Variants in CDC42SE2 observed in about 807,000 individuals in gnomAD.
CDC42SE2 encodes the protein CDC42 small effector 2.
In CDC42SE2, 3 loss-of-function variants were observed where a neutral mutation model predicts 11.5. The ratio of observed to expected loss-of-function variants is 0.26; its 90% confidence interval spans 0.12 to 0.67. The LOEUF is 0.67. CDC42SE2 is among the 30% of genes least tolerant of loss of function. The probability of loss-of-function intolerance (pLI) is 0.80; values close to 1 mark genes in which losing one functional copy is unlikely to be tolerated. For missense variants in CDC42SE2, 82 were observed against 106.8 expected (o/e 0.77, Z 1.02); for synonymous variants, 33 against 34.8 (o/e 0.95, Z 0.18).
chr5:131,345,398 G>A (rs1243166875), intron 2 of CDC42SE2, among the ~76,000 whole-genome samples: 2 of 152,042 alleles, frequency 1.3e-5, no homozygotes, highest in Non-Finnish European at 2.9e-5. Flanking sequence ...AGAAGAAAGG[G>A]TATCAGTGAT....
chr5:131,376,129 C>T (rs1750146244), intron 3 of CDC42SE2, among the ~76,000 whole-genome samples: 1 of 151,994 alleles, frequency 6.6e-6, no homozygotes, highest in South Asian at 2.1e-4. Flanking sequence ...ATTCCAGCTA[C>T]TCGGGAGGCT....
chr5:131,383,978 A>G (rs1458808099), intron 3 of CDC42SE2, among the ~76,000 whole-genome samples: 1 of 152,258 alleles, frequency 6.6e-6, no homozygotes, highest in African/African-American at 2.4e-5. Context: ...AAATGTCCAC[A>G]TAGGCAGGAA....
intron 1 of CDC42SE2, among the ~76,000 whole-genome samples, chr5:131,267,737 T>C (rs1213085608): frequency 1.3e-5 from 2 of 152,176 alleles, no homozygotes; most frequent in African/African-American, 4.8e-5. Context: ...CATTATTTTC[T>C]GGGATAGGTT....
chr5:131,217,685 C>CA, the CDC42SE2 span, among the ~76,000 whole-genome samples: 1 of 151,732 alleles, frequency 6.6e-6, no homozygotes, highest in Admixed American at 6.6e-5. Flanking sequence ...ATCTATGACA[C>CA]AAAAAAGCAT....
intron 1 of CDC42SE2, among the ~76,000 whole-genome samples, chr5:131,269,681 G>T (rs991467573): frequency 6.8e-6 from 1 of 147,954 alleles, no homozygotes; most frequent in African/African-American, 2.5e-5. Context: ...GGAGAATCAT[G>T]TGAACCCGGG....
At chr5:131,365,911 A>G (rs991004084) in intron 3 of CDC42SE2, among the ~76,000 whole-genome samples, 6 of 152,096 alleles carry the variant, frequency 3.9e-5, no homozygotes, top group East Asian at 3.9e-4. Context: ...GAACCCGGGA[A>G]GCGGAGCTTG....
chr5:131,269,608 A>G (rs1398947914), intron 1 of CDC42SE2, among the ~76,000 whole-genome samples: 1 of 152,098 alleles, frequency 6.6e-6, no homozygotes, highest in Non-Finnish European at 1.5e-5. Flanking sequence ...TACTAAAAAT[A>G]CAAAAATTAG....
the CDC42SE2 span, among the ~76,000 whole-genome samples, chr5:131,219,134 A>T: frequency 6.6e-6 from 1 of 151,740 alleles, no homozygotes; most frequent in Non-Finnish European, 1.5e-5. Flanking sequence ...TTTATTTGTT[A>T]TAAGAAAATG....
intron 1 of CDC42SE2, among the ~76,000 whole-genome samples, chr5:131,252,059 T>TGGAAGGAAGGAAGGAAGGAAGGAAGGAA (rs60052435): frequency 1.7e-5 from 2 of 118,002 alleles, no homozygotes; most frequent in Non-Finnish European, 3.6e-5. Context: ...AGAGAATGAG[T>TGGAAGGAAGGAAGGAAGGAAGGAAGGAA]GGAAGGAAGG....
At chr5:131,278,969 G>C (rs1449090626) in intron 1 of CDC42SE2, among the ~76,000 whole-genome samples, 1 of 150,458 alleles carries the variant, frequency 6.6e-6, no homozygotes, top group African/African-American at 2.5e-5. Flanking sequence ...ATTTTTAGTA[G>C]AAACAGGGTT....
At chr5:131,219,715 T>A in the CDC42SE2 span, among the ~76,000 whole-genome samples, 1 of 152,154 alleles carries the variant, frequency 6.6e-6, no homozygotes, top group Non-Finnish European at 1.5e-5. Context: ...GACAGCCAAA[T>A]CGCTTGAGCT....
chr5:131,259,054 A>G (rs6890410), upstream of CDC42SE2, among the ~76,000 whole-genome samples: 67,104 of 152,020 alleles, frequency 0.44, 19,272 homozygotes, highest in African/African-American at 0.82. Context: ...ACTGTCCATG[A>G]TTATTCTGAC....
the CDC42SE2 span, among the ~76,000 whole-genome samples, chr5:131,226,628 C>T: frequency 1.8e-4 from 27 of 152,256 alleles, no homozygotes; most frequent in Middle Eastern, 6.8e-3. Context: ...ACCAAAGCAC[C>T]GCTATGGTCC....
At chr5:131,245,036 G>A (rs1265421191), upstream of CDC42SE2, among the ~76,000 whole-genome samples, 1 of 152,124 alleles carries the variant, frequency 6.6e-6, no homozygotes, top group African/African-American at 2.4e-5. Flanking sequence ...TGGCCTTATG[G>A]GAGCAAATCC....
intron 2 of CDC42SE2, among the ~76,000 whole-genome samples, chr5:131,326,541 A>G (rs1045565359): frequency 3.9e-5 from 6 of 152,086 alleles, no homozygotes; most frequent in Admixed American, 1.3e-4. Context: ...TGGATCTTCA[A>G]TATATCTGCT....
chr5:131,374,615 A>T (rs1039966093), intron 3 of CDC42SE2, among the ~76,000 whole-genome samples: 3 of 152,070 alleles, frequency 2.0e-5, no homozygotes, highest in Admixed American at 6.5e-5. Flanking sequence ...GCAAGCCAGA[A>T]GCAATTCCAG....
chr5:131,337,702 G>T (rs1484858908), intron 2 of CDC42SE2, among the ~76,000 whole-genome samples: 1 of 152,190 alleles, frequency 6.6e-6, no homozygotes, highest in Non-Finnish European at 1.5e-5. Context: ...CTGCTACTTT[G>T]CAGTTTGATC....
At position 131,342,388 on chromosome 5, in the gene CDC42SE2, C is replaced by CTTTTTTTTTTTTTTTTTTTTTTT. The variant is rs35818778; in HGVS notation, c.-285-16802_-285-16801insTTTTTTTTTTTTTTTTTTTTTTT. Among the ~76,000 whole-genome samples the CTTTTTTTTTTTTTTTTTTTTTTT allele has an allele frequency of 2.1e-4, 23 of 111,306 alleles. 2 individuals are homozygous for CTTTTTTTTTTTTTTTTTTTTTTT. Among genetic ancestry groups the CTTTTTTTTTTTTTTTTTTTTTTT allele is most frequent in the African/African-American group, 9.3e-4 (21 of 22,568 alleles). The allele number at this position is 111,306 out of a possible 152,430, so 73.0% of individuals were successfully genotyped here. ...TCAGAGATTTGCCATTTTTAATAGT[C>CTTTTTTTTTTTTTTTTTTTTTTT]TTTTTTTTTTTTTTTTTTTAAGATA... is the stretch of plus-strand genomic sequence containing the variant. On this transcript the variant is annotated intron_variant, in intron 2 of 4. Coordinates refer to ENST00000505065, the MANE Select transcript of CDC42SE2 (RefSeq NM_001375635.1).
At chr5:131,385,038 C>T (rs890108275) in intron 3 of CDC42SE2, among the ~76,000 whole-genome samples, 1 of 152,014 alleles carries the variant, frequency 6.6e-6, no homozygotes, top group Non-Finnish European at 1.5e-5. Context: ...ATCTGTCACC[C>T]TCTCACCCTC....
Sources: allele counts gnomAD v4.1 joint callset (sites outside exome capture counted in the v4.1 genomes callset), GRCh38; gene constraint gnomAD v4.1.1; transcripts MANE v1.5; gene names NCBI Gene and HGNC (gene_info 2026-07-23, HGNC 2026-07-21).